The following LPP variants were observed in gnomAD, a reference collection of about 807,000 sequenced individuals.
The protein encoded by LPP is lipoma-preferred partner.
A neutral mutation model predicts 60.4 loss-of-function variants in LPP; 38 were observed. That is an observed-to-expected ratio of 0.63 (90% CI 0.49 to 0.83). The LOEUF is 0.83. Ranked by LOEUF, LPP falls within the 40% of genes least tolerant of loss-of-function variation. The probability of loss-of-function intolerance (pLI) is 0.00; values close to 1 mark genes in which losing one functional copy is unlikely to be tolerated. For missense variants in LPP, 902 were observed against 783.6 expected (o/e 1.15, Z -1.80); for synonymous variants, 328 against 290.8 (o/e 1.13, Z -1.30).
Position 188,883,324 on chromosome 3 carries a change from C to G in LPP, c.*8845C>G, listed in dbSNP as rs1270010877. On this transcript the variant is annotated 3_prime_UTR_variant, in exon 12 of 12. Coordinates refer to ENST00000617246, the MANE Select transcript of LPP (RefSeq NM_001375462.1). ...TTTTTTTGTTGCTGGTTGTACTTTC[C>G]TATTTAGAAGACAGACCGTTCTGAC... 1 of 215,868 alleles carries G rather than the reference C, an allele frequency of 4.6e-6. No homozygotes were observed. The allele number at this position is 215,868 out of a possible 1,614,324, so 13.4% of individuals were successfully genotyped here.
intron 2 of LPP, among the ~76,000 whole-genome samples, chr3:188,261,760 A>G (rs1053534987): frequency 6.7e-6 from 1 of 149,864 alleles, no homozygotes; most frequent in African/African-American, 2.5e-5. Context: ...AAAAAAAAAT[A>G]TATATTAGCT....
intron 1 of LPP, among the ~76,000 whole-genome samples, chr3:188,201,143 T>C (rs1053390953): frequency 1.3e-5 from 2 of 152,194 alleles, no homozygotes; most frequent in Admixed American, 6.5e-5. Flanking sequence ...AAACACTTAC[T>C]ATGGACCTGT....
chr3:188,453,965 A>G (rs1322234461), intron 4 of LPP, among the ~76,000 whole-genome samples: 3 of 152,134 alleles, frequency 2.0e-5, no homozygotes, highest in African/African-American at 7.2e-5. Context: ...ATATATGTCT[A>G]TCTTATGTAG....
At chr3:188,162,792 C>T (rs371706512) in intron 1 of LPP, among the ~76,000 whole-genome samples, 21 of 152,092 alleles carry the variant, frequency 1.4e-4, no homozygotes, top group East Asian at 3.9e-4. Flanking sequence ...GGGTGCCCAG[C>T]GGGGCATCTG....
At chr3:188,600,804 AT>A (rs1840997433) in intron 6 of LPP, among the ~76,000 whole-genome samples, 1 of 151,064 alleles carries the variant, frequency 6.6e-6, no homozygotes, top group Admixed American at 6.6e-5. Context: ...ACCATATGGT[AT>A]TTGTTTTTTG....
At chr3:188,619,854 G>A (rs1426856019) in intron 7 of LPP, among the ~76,000 whole-genome samples, 1 of 152,160 alleles carries the variant, frequency 6.6e-6, no homozygotes, top group African/African-American at 2.4e-5. Flanking sequence ...TTTCAGGGAA[G>A]GAAGAACAGA....
chr3:188,791,997 G>C (rs1392327842), intron 9 of LPP, among the ~76,000 whole-genome samples: 1 of 152,136 alleles, frequency 6.6e-6, no homozygotes. Context: ...GAGCTCTAGT[G>C]AGTAAGCGCC....
At chr3:188,766,706 G>A (rs543717567) in intron 9 of LPP, among the ~76,000 whole-genome samples, 21 of 152,238 alleles carry the variant, frequency 1.4e-4, no homozygotes, top group Non-Finnish European at 2.4e-4. Flanking sequence ...TCCCATGATG[G>A]TAATTCTTTT....
At chr3:188,457,898 G>A (rs1579050032) in intron 4 of LPP, among the ~76,000 whole-genome samples, 1 of 152,024 alleles carries the variant, frequency 6.6e-6, no homozygotes, top group Non-Finnish European at 1.5e-5. Context: ...GACAGAGTGA[G>A]ACTCCGTCTC....
intron 2 of LPP, among the ~76,000 whole-genome samples, chr3:188,295,752 T>C (rs949331321): frequency 1.3e-5 from 2 of 152,168 alleles, no homozygotes; most frequent in African/African-American, 4.8e-5. Flanking sequence ...CAGCTTGGTG[T>C]TGAACTCCTG....
At chr3:188,542,158 C>T (rs542286801) in intron 6 of LPP, among the ~76,000 whole-genome samples, 8 of 152,144 alleles carry the variant, frequency 5.3e-5, no homozygotes, top group Non-Finnish European at 7.3e-5. Context: ...TACCTAGAAA[C>T]GTGAATGTCA....
At chr3:188,741,408 C>T (rs1336238935) in intron 8 of LPP, among the ~76,000 whole-genome samples, 1 of 152,026 alleles carries the variant, frequency 6.6e-6, no homozygotes, top group African/African-American at 2.4e-5. Flanking sequence ...ATTAGTTGAA[C>T]TATTGTGCAT....
At chr3:188,757,889 G>GTTTTTTTTTTTTTTTTTTTTTTTTT (rs750488243) in intron 8 of LPP, among the ~76,000 whole-genome samples, 13 of 78,734 alleles carry the variant, frequency 1.7e-4, no homozygotes, top group Non-Finnish European at 2.3e-4. Context: ...TGTTTTTTTG[G>GTTTTTTTTTTTTTTTTTTTTTTTTT]TTTTTTTTTT....
intron 2 of LPP, among the ~76,000 whole-genome samples, chr3:188,286,976 C>T (rs971355093): frequency 6.6e-6 from 1 of 152,204 alleles, no homozygotes; most frequent in African/African-American, 2.4e-5. Flanking sequence ...TCTTGGCTCA[C>T]TGCAACCTCC....
intron 6 of LPP, among the ~76,000 whole-genome samples, chr3:188,574,479 T>G (rs186294073): frequency 4.1e-4 from 62 of 152,334 alleles, no homozygotes; most frequent in Non-Finnish European, 6.6e-4. Context: ...CTTATTCCAG[T>G]GTGCTGCATT....
chr3:188,663,536 C>T (rs368161917), intron 7 of LPP, among the ~76,000 whole-genome samples: 1 of 152,132 alleles, frequency 6.6e-6, no homozygotes, highest in Non-Finnish European at 1.5e-5. Context: ...AAAACTCCAA[C>T]GGGTAGAGTG....
intron 3 of LPP, among the ~76,000 whole-genome samples, chr3:188,387,605 C>T (rs373181550): frequency 1.3e-5 from 2 of 149,354 alleles, no homozygotes; most frequent in South Asian, 2.1e-4. Context: ...CTCACCCTGT[C>T]GCCCATGCTG....
At chr3:188,785,989 G>A (rs1741732648) in intron 9 of LPP, among the ~76,000 whole-genome samples, 2 of 151,998 alleles carry the variant, frequency 1.3e-5, no homozygotes, top group African/African-American at 2.4e-5. Flanking sequence ...TACCATGATG[G>A]TTTTGTTACT....
intron 10 of LPP, among the ~76,000 whole-genome samples, chr3:188,869,968 A>G (rs1219818132): frequency 6.6e-6 from 1 of 152,192 alleles, no homozygotes; most frequent in Non-Finnish European, 1.5e-5. Context: ...CTAAATGGTT[A>G]TCTTTAAAGG....
Sources: gnomAD v4.1 joint callset for allele counts (sites outside exome capture counted in the v4.1 genomes callset) on GRCh38, gnomAD v4.1.1 for gene constraint, MANE v1.5 for transcripts, NCBI Gene and HGNC (gene_info 2026-07-23, HGNC 2026-07-21) for gene names.